Variants in SLC17A1 observed in about 807,000 individuals in gnomAD.
SLC17A1 encodes the protein solute carrier family 17 member 1.
SLC17A1 carries 51 observed loss-of-function variants against 53.5 expected under a neutral mutation model. The observed-to-expected ratio is 0.95, with a 90% CI of 0.76 to 1.20. The LOEUF (loss-of-function observed/expected upper bound fraction) is 1.20, where lower values mean the gene tolerates loss of function less well. Ranked by LOEUF, SLC17A1 falls within the 50% of genes most tolerant of loss-of-function variation. The pLI, the probability that SLC17A1 is intolerant of heterozygous loss-of-function variation, is 0.00. For missense variants in SLC17A1, 538 were observed against 568.2 expected (o/e 0.95, Z 0.54); for synonymous variants, 179 against 198.8 (o/e 0.90, Z 0.84).
At chr6:25,728,875 CTT>C in the SLC17A1 span, among the ~76,000 whole-genome samples, 4 of 152,210 alleles carry the variant, frequency 2.6e-5, no homozygotes, top group African/African-American at 9.6e-5. Flanking sequence ...TGCCCCCACA[CTT>C]TTGTGAACAG....
At chr6:25,769,292 C>A in the SLC17A1 span, 1 of 1,100,874 alleles carries the variant, frequency 9.1e-7, no homozygotes, top group Non-Finnish European at 1.3e-6. Flanking sequence ...ATTTACTGAA[C>A]ATGTACTATG....
intron 12 of SLC17A1, among the ~76,000 whole-genome samples, chr6:25,790,270 G>A (rs543882521): frequency 6.6e-6 from 1 of 152,238 alleles, no homozygotes; most frequent in Admixed American, 6.5e-5. Context: ...CCATGGGTCT[G>A]GAAGACGGTG....
intron 12 of SLC17A1, among the ~76,000 whole-genome samples, chr6:25,797,287 A>C (rs1032072092): frequency 1.1e-4 from 17 of 152,106 alleles, no homozygotes; most frequent in Admixed American, 6.5e-4. Flanking sequence ...TTCTCTTTTC[A>C]TACTATAAAA....
At chr6:25,821,596 T>C (rs554817985) in intron 3 of SLC17A1, among the ~76,000 whole-genome samples, 1 of 152,326 alleles carries the variant, frequency 6.6e-6, no homozygotes, top group African/African-American at 2.4e-5. Flanking sequence ...CCTGTGCATG[T>C]GAACACATCA....
intron 12 of SLC17A1, among the ~76,000 whole-genome samples, chr6:25,795,557 G>A (rs1763585834): frequency 1.3e-5 from 2 of 152,074 alleles, no homozygotes; most frequent in Non-Finnish European, 2.9e-5. Flanking sequence ...AGAAAATGAA[G>A]TATATTTTTA....
At chr6:25,808,163 C>T (rs184868013) in intron 10 of SLC17A1, among the ~76,000 whole-genome samples, 133 of 152,152 alleles carry the variant, frequency 8.7e-4, no homozygotes, top group Middle Eastern at 3.4e-3. Flanking sequence ...GCCATTCTTG[C>T]AGGAGTAAGG....
chr6:25,748,088 G>A, the SLC17A1 span, among the ~76,000 whole-genome samples: 24 of 152,084 alleles, frequency 1.6e-4, no homozygotes, highest in African/African-American at 5.8e-4. Flanking sequence ...TTAATACATG[G>A]GCCAAATATA....
At chr6:25,773,215 G>C in the SLC17A1 span, 27 of 1,295,176 alleles carry the variant, frequency 2.1e-5, no homozygotes, top group Middle Eastern at 5.5e-4. Flanking sequence ...AATCATCTTA[G>C]AGTCAAACTG....
At chr6:25,813,769 T>C (rs538706340) in intron 6 of SLC17A1, among the ~76,000 whole-genome samples, 1 of 152,298 alleles carries the variant, frequency 6.6e-6, no homozygotes, top group Non-Finnish European at 1.5e-5. Context: ...CAGTGTGTGT[T>C]GTTCCCCTCT....
chr6:25,779,382 A>G (rs1425598492), downstream of SLC17A1: 1 of 625,058 alleles, frequency 1.6e-6, no homozygotes, highest in African/African-American at 1.9e-5. Context: ...AGCTACTAAA[A>G]GCATAGGTGT....
At chr6:25,753,462 T>C in the SLC17A1 span, among the ~76,000 whole-genome samples, 2 of 152,076 alleles carry the variant, frequency 1.3e-5, no homozygotes, top group African/African-American at 2.4e-5. Flanking sequence ...CTGCCTGCTA[T>C]GTGGGGTGGA....
At chr6:25,811,894 TACA>T (rs575573411) in intron 8 of SLC17A1, 124 bp from the exon 9 acceptor site, 4 of 1,027,340 alleles carry the variant, frequency 3.9e-6, no homozygotes, top group Non-Finnish European at 5.7e-6. Context: ...ATCATCAACA[TACA>T]ACAACAGAAT....
the SLC17A1 span, among the ~76,000 whole-genome samples, chr6:25,765,060 T>C: frequency 6.6e-6 from 1 of 152,168 alleles, no homozygotes; most frequent in Non-Finnish European, 1.5e-5. Flanking sequence ...TGGGTGGCCC[T>C]GTGCAGGGGT....
At chr6:25,770,546 G>C in the SLC17A1 span, 1 of 1,288,218 alleles carries the variant, frequency 7.8e-7, no homozygotes, top group Non-Finnish European at 1.1e-6. Context: ...ACAGAACCAA[G>C]ATCTTATATA....
the SLC17A1 span, chr6:25,769,072 C>T: frequency 1.2e-6 from 2 of 1,614,112 alleles, no homozygotes; most frequent in Non-Finnish European, 1.7e-6. Flanking sequence ...TTGAGCATTG[C>T]CATCCCAGCT....
the SLC17A1 span, chr6:25,726,387 G>A: frequency 3.5e-5 from 56 of 1,613,954 alleles, no homozygotes; most frequent in Admixed American, 6.7e-5. Flanking sequence ...ACACTGGTGC[G>A]CCTGCCCCTA....
At chr6:25,729,331 T>G in the SLC17A1 span, among the ~76,000 whole-genome samples, 2 of 152,152 alleles carry the variant, frequency 1.3e-5, no homozygotes, top group Admixed American at 6.5e-5. Context: ...CAGCCCTGGC[T>G]CCACTACCCT....
At chr6:25,758,625 T>A in the SLC17A1 span, among the ~76,000 whole-genome samples, 1 of 152,248 alleles carries the variant, frequency 6.6e-6, no homozygotes, top group African/African-American at 2.4e-5. Context: ...TTCTCTGGTA[T>A]CAATTTTAAT....
chr6:25,750,849 C>A, the SLC17A1 span, among the ~76,000 whole-genome samples: 1 of 152,038 alleles, frequency 6.6e-6, no homozygotes, highest in Non-Finnish European at 1.5e-5. Flanking sequence ...TAGTATTCTG[C>A]CCAGTCTGCA....
Sources: gnomAD v4.1 joint callset for allele counts (sites outside exome capture counted in the v4.1 genomes callset) on GRCh38, gnomAD v4.1.1 for gene constraint, MANE v1.5 for transcripts, NCBI Gene and HGNC (gene_info 2026-07-23, HGNC 2026-07-21) for gene names.